Variants in TTC7B observed in about 807,000 individuals in gnomAD.
The protein encoded by TTC7B is tetratricopeptide repeat protein 7B.
In TTC7B, 28 loss-of-function variants were observed where a neutral mutation model predicts 106.8. The ratio of observed to expected loss-of-function variants is 0.26; its 90% confidence interval spans 0.19 to 0.36. The LOEUF is 0.36. TTC7B is among the 10% of genes least tolerant of loss of function. The pLI is 1.00. For synonymous variants in TTC7B, 405 were observed against 430.6 expected, an observed-to-expected ratio of 0.94 and a Z score of 0.74; for missense variants, 862 against 1,076.4, an observed-to-expected ratio of 0.80 and a Z score of 2.79.
intron 1 of TTC7B, among the ~76,000 whole-genome samples, chr14:90,792,696 C>T (rs1891629265): frequency 6.6e-6 from 1 of 152,150 alleles, no homozygotes; most frequent in Non-Finnish European, 1.5e-5. Context: ...ACACCCCAGT[C>T]TCTCAAGACC....
intron 5 of TTC7B, among the ~76,000 whole-genome samples, chr14:90,719,661 G>T (rs1888810839): frequency 6.6e-6 from 1 of 152,202 alleles, no homozygotes; most frequent in African/African-American, 2.4e-5. Context: ...GGGACTGCTG[G>T]GAGAACTCAT....
intron 15 of TTC7B, among the ~76,000 whole-genome samples, 171 bp downstream of exon 15, chr14:90,643,877 C>T (rs554804112): frequency 2.8e-4 from 43 of 152,252 alleles, no homozygotes; most frequent in African/African-American, 9.9e-4. Flanking sequence ...GCCACGGCGC[C>T]CAGCCCTAAG....
At chr14:90,643,836 G>A (rs1885302697) in intron 15 of TTC7B, among the ~76,000 whole-genome samples, 1 of 152,088 alleles carries the variant, frequency 6.6e-6, no homozygotes, top group East Asian at 1.9e-4. Context: ...ACCCACCTCG[G>A]CCTCCCAAAG....
chr14:90,600,184 C>T lies in TTC7B; in HGVS notation c.1967-6558G>A, dbSNP rs1021750651. Among the ~76,000 whole-genome samples the T allele has an allele frequency of 3.9e-5, 6 of 152,210 alleles. No individual in the cohort carries two copies. The highest frequency in any genetic ancestry group is 1.3e-4 in the Admixed American group (2 of 15,286). On this transcript the variant is annotated intron_variant, in intron 17 of 19. Transcript: ENST00000328459. The surrounding 1 kb of genome is among the most constrained non-coding windows in gnomAD (Gnocchi z 4.3). ...CTCAAAGCAGGCATATTTCTCCATACCTTTTAAAAAACATAACTGCTGTCC... is the reference window on the plus strand; with the variant it reads ...CTCAAAGCAGGCATATTTCTCCATATCTTTTAAAAAACATAACTGCTGTCC...
chr14:90,679,419 G>A (rs1886963088), intron 8 of TTC7B, among the ~76,000 whole-genome samples: 1 of 152,160 alleles, frequency 6.6e-6, no homozygotes. Flanking sequence ...CCATTAAACA[G>A]TATGTGTGGG....
rs1438005286 is a variant in TTC7B at position 90,533,772 on chromosome 14, G to A, written c.*7596C>T. The A allele has an allele frequency of 4.6e-5, 7 of 152,420 alleles. No homozygotes were observed. The highest frequency in any genetic ancestry group is 1.7e-4 in the African/African-American group (7 of 41,492). 9.4% of individuals were successfully genotyped at this position (152,420 alleles called of 1,614,324 possible). ...GAGGAGGGTGGTGGGGGCTGTGGGT[G>A]GCCCGGATGGTCAGCGGGAGCTGCT... On this transcript the variant is annotated 3_prime_UTR_variant, in exon 20 of 20. Transcript: ENST00000328459.
chr14:90,803,260 T>C (rs2030390392), intron 1 of TTC7B, among the ~76,000 whole-genome samples: 1 of 152,128 alleles, frequency 6.6e-6, no homozygotes, highest in Non-Finnish European at 1.5e-5. Context: ...CCTTGTAACT[T>C]ACCACCTAGC....
chr14:90,786,471 G>T, intron 1 of TTC7B, 143 bp from the exon 2 acceptor site: 2 of 817,698 alleles, frequency 2.4e-6, no homozygotes, highest in Non-Finnish European at 1.9e-6. Flanking sequence ...GCCTTCATAG[G>T]GTCTAAGTGG....
intron 18 of TTC7B, among the ~76,000 whole-genome samples, chr14:90,586,046 T>A (rs964112830): frequency 6.6e-6 from 1 of 152,216 alleles, no homozygotes; most frequent in African/African-American, 2.4e-5. Flanking sequence ...CTTCATTTAA[T>A]AGAAGACATA....
Position 90,528,480 on chromosome 14 carries a change from T to C in TTC7B, c.*12888A>G, listed in dbSNP as rs1889199422. Reference sequence around the variant, plus strand: ...CCTTGACCTCCCACTTTGTTACCTGTTTCCGACGGTGTGACCCGAGTGCGC... The same window carrying C: ...CCTTGACCTCCCACTTTGTTACCTGCTTCCGACGGTGTGACCCGAGTGCGC... On this transcript the variant is annotated 3_prime_UTR_variant, in exon 20 of 20. Transcript: ENST00000328459. 2 of 152,900 alleles carry C rather than the reference T, an allele frequency of 1.3e-5. No homozygotes were observed. The highest frequency in any genetic ancestry group is 2.9e-5 in the Non-Finnish European group (2 of 68,540). 9.5% of individuals were successfully genotyped at this position (152,900 alleles called of 1,614,324 possible).
intron 1 of TTC7B, 27 bp from the exon 2 acceptor site, chr14:90,786,355 G>C: frequency 6.2e-7 from 1 of 1,611,050 alleles, no homozygotes; most frequent in Non-Finnish European, 8.5e-7. Flanking sequence ...AGAACAAAGT[G>C]GGAGCAAGGA....
chr14:90,789,862 C>T, intron 1 of TTC7B, among the ~76,000 whole-genome samples: 1 of 149,906 alleles, frequency 6.7e-6, no homozygotes, highest in East Asian at 2.0e-4. Context: ...CGCCACTGCA[C>T]TGCAGCCTGG....
At position 90,802,278 on chromosome 14, in the gene TTC7B, G is replaced by A. The variant is rs972537909; in HGVS notation, c.121+13897C>T. Reference sequence around the variant, plus strand: ...GGGGCTGGGCCAGTCCTTAGACAGCGATGGGGGTTCAGGGAGCCTTTAGCA... The same window carrying A: ...GGGGCTGGGCCAGTCCTTAGACAGCAATGGGGGTTCAGGGAGCCTTTAGCA... On this transcript the variant is annotated intron_variant, in intron 1 of 19. Coordinates refer to ENST00000328459, the MANE Select transcript of TTC7B (RefSeq NM_001010854.2). The surrounding 1 kb of genome is among the most constrained non-coding windows in gnomAD (Gnocchi z 4.7). 1.3e-5 allele frequency among the ~76,000 whole-genome samples: 2 copies of A among 152,128 alleles called. No homozygotes were observed. The highest frequency in any genetic ancestry group is 1.3e-4 in the Admixed American group (2 of 15,276).
intron 5 of TTC7B, among the ~76,000 whole-genome samples, chr14:90,725,871 G>C (rs921374678): frequency 6.6e-6 from 1 of 152,232 alleles, no homozygotes; most frequent in South Asian, 2.1e-4. Flanking sequence ...CAAGAAGCAA[G>C]GTTACTTTAA....
Position 90,658,969 on chromosome 14 carries a change from T to C in TTC7B, c.1153-582A>G, listed in dbSNP as rs575230446. On this transcript the variant is annotated intron_variant, in intron 9 of 19. Transcript: ENST00000328459. ...TGACGTTAGAGCTTTAGGAAGATCG[T>C]GGGGGACTGGGGTGAGTGGGGTGAG... 7.9e-5 allele frequency among the ~76,000 whole-genome samples: 12 copies of C among 152,124 alleles called. No individual in the cohort carries two copies. In the South Asian group the frequency reaches 2.5e-3, roughly 32 times the overall value.
Position 90,577,189 on chromosome 14 carries a change from A to G in TTC7B, c.2310+917T>C, listed in dbSNP as rs1026207730. On this transcript the variant is annotated intron_variant, in intron 19 of 19. Transcript: ENST00000328459. This position sits in a 1 kb window ranked among gnomAD's most constrained non-coding sequence, Gnocchi z 5.0. ...GACATCAGCGATGTCTACTGCTAAA[A>G]ATGAAACAACAATTCAGAACCAAAG... Among the ~76,000 whole-genome samples the G allele has an allele frequency of 1.3e-5, 2 of 152,200 alleles. No homozygotes were observed. The highest frequency in any genetic ancestry group is 2.9e-5 in the Non-Finnish European group (2 of 68,034).
chr14:90,578,176 T>C lies in TTC7B; in HGVS notation c.2240A>G (p.Asp747Gly), dbSNP rs777534656. 21 of 1,613,824 alleles carry C rather than the reference T, an allele frequency of 1.3e-5. No homozygotes were observed. Among genetic ancestry groups the C allele is most frequent in the East Asian group, 2.2e-5 (1 of 44,894 alleles). ...GQIAELRGSM[D>G]EARRWYEEAL... ...CTCTTCATACCACCGCCGCGCCTCG[T>C]CCATGCTTCCCCGGAGCTCAGCAAT... Residue 747 changes from aspartate (D) to glycine (G), a missense_variant, in exon 19 of 20, where the codon GAC (aspartate) becomes GGC (glycine). Coordinates refer to ENST00000328459, the MANE Select transcript of TTC7B (RefSeq NM_001010854.2). This position sits in a 1 kb window ranked among gnomAD's most constrained non-coding sequence, Gnocchi z 4.7.
In TTC7B at chr14:90,652,907, AG is replaced by A. The variant is rs760057452; in HGVS notation, c.1460-10del. 12 of 1,614,198 alleles carry A rather than the reference AG, an allele frequency of 7.4e-6. No individual in the cohort carries two copies. In the Admixed American group the frequency reaches 1.7e-4, roughly 22 times the overall value. On this transcript the variant is annotated splice_polypyrimidine_tract_variant and intron_variant, in intron 12 of 19. Transcript: ENST00000328459. ...CATCCCTCGCAAAGAAGCTAAGAAA[AG>A]GGTTCAATTAGTCAGTGGCATGGGG...
chr14:90,623,282 C>A (rs1304707297), intron 15 of TTC7B, among the ~76,000 whole-genome samples: 1 of 152,092 alleles, frequency 6.6e-6, no homozygotes, highest in Non-Finnish European at 1.5e-5. Context: ...ATATTTAATT[C>A]CAGATTCTTA....
Sources: gnomAD v4.1 joint callset for allele counts (sites outside exome capture counted in the v4.1 genomes callset) on GRCh38, gnomAD v4.1.1 for gene constraint, Gnocchi (gnomAD v3.1) non-coding constraint, MANE v1.5 for transcripts, NCBI Gene and HGNC (gene_info 2026-07-23, HGNC 2026-07-21) for gene names.